The following C19orf73 variants were observed in gnomAD, a reference collection of about 807,000 sequenced individuals.
The protein encoded by C19orf73 is putative uncharacterized protein C19orf73.
For missense variants in C19orf73, 211 were observed against 177.6 expected (o/e 1.19, Z -1.07); for synonymous variants, 86 against 79.1 (o/e 1.09, Z -0.46).
At position 49,118,834 on chromosome 19, in the gene C19orf73, G is replaced by C; in HGVS notation, c.189C>G (p.Pro63=). Residue 63 remains proline (P), a synonymous_variant, in exon 1 of 1, where the codon CCC becomes CCG. Transcript: ENST00000408991. Reference sequence around the variant, plus strand: ...AGCGAACCATTAGCCTCGTCCGCCGGGGGAACCCTGCAGGCCGCACTACTG... The same window carrying C: ...AGCGAACCATTAGCCTCGTCCGCCGCGGGAACCCTGCAGGCCGCACTACTG... ...TQTVVRPAGF[P]RRTRLMVRSA... 1 of 1,613,772 alleles carries C rather than the reference G, an allele frequency of 6.2e-7. No homozygotes were observed. The highest frequency in any genetic ancestry group is 8.5e-7 in the Non-Finnish European group (1 of 1,179,824).
At position 49,118,685 on chromosome 19, in the gene C19orf73, G is replaced by T. The variant is rs763382916; in HGVS notation, c.338C>A (p.Pro113Gln). The T allele has an allele frequency of 6.2e-7, 1 of 1,613,744 alleles. No individual in the cohort carries two copies. The highest frequency in any genetic ancestry group is 1.3e-5 in the African/African-American group (1 of 74,938). The change falls in exon 1 of 1, where the codon CCA (proline) becomes CAA (glutamine). Residue 113 changes from proline (P) to glutamine (Q), a missense_variant. Transcript: ENST00000408991. ...RVGSVVLSSA[P>Q]ALRPRLGPCL... ...GGGACCCAGTCTGGGTCTGAGTGCTGGGGCAGAACTGAGGACAACGCTGCC... is the reference window on the plus strand; with the variant it reads ...GGGACCCAGTCTGGGTCTGAGTGCTTGGGCAGAACTGAGGACAACGCTGCC...
In C19orf73 at chr19:49,118,904, G is replaced by T. The variant is rs746452971; in HGVS notation, c.119C>A (p.Pro40His). The change falls in exon 1 of 1, where the codon CCT becomes CAT. Residue 40 changes from proline to histidine, a missense_variant. By Grantham distance (77) the Pro-to-His change is moderately conservative. Transcript: ENST00000408991. ...TGGGGGTGCCGCGTGCAGTTCCCGA[G>T]GCGGGCGCAGGGGTGCAGAATGAGG... ...RAPHSAPLRP[P>H]RELHAAPPPA... The T allele has an allele frequency of 2.5e-6, 4 of 1,613,150 alleles. No individual in the cohort carries two copies. Among genetic ancestry groups the T allele is most frequent in the Non-Finnish European group, 3.4e-6 (4 of 1,179,606 alleles).
rs780453424 is a variant in C19orf73, at chr19:49,118,973, G to C, written c.50C>G (p.Ala17Gly). 3 of 1,613,560 alleles carry C rather than the reference G, an allele frequency of 1.9e-6. No individual in the cohort carries two copies. In the African/African-American group the frequency reaches 4.0e-5, roughly 22 times the overall value. Residue 17 changes from alanine to glycine, a missense_variant, in exon 1 of 1, where the codon GCG becomes GGG. Transcript: ENST00000408991. ...GCTCACTCCACCTTCCAAACACAGC[G>C]CGTCTTTCCGGAAGCAGCCCCCGCC... is the stretch of plus-strand genomic sequence containing the variant. The part of the protein sequence containing the change: ...FQGGGCFRKD[A>G]LCLEGGVSAR...
At position 49,119,055 on chromosome 19, in the gene C19orf73, G is replaced by C; in HGVS notation, c.-33C>G. 1.2e-6 allele frequency: 2 copies of C among 1,612,094 alleles called. No homozygotes were observed. Among genetic ancestry groups the C allele is most frequent in the Non-Finnish European group, 1.7e-6 (2 of 1,179,250 alleles). On this transcript the variant is annotated 5_prime_UTR_variant, in exon 1 of 1. Transcript: ENST00000408991. ...CCCGCCCAGCCCTCGTGTCCCGTGC[G>C]GCGCGAGGGCTAGTGCGCGCCACTG...
chr19:49,118,513 G>A lies in C19orf73; in HGVS notation c.*120C>T, dbSNP rs1018183196. The A allele has an allele frequency of 2.6e-6, 4 of 1,564,020 alleles. No individual in the cohort carries two copies. In the African/African-American group the frequency reaches 5.4e-5, roughly 21 times the overall value. On this transcript the variant is annotated 3_prime_UTR_variant, in exon 1 of 1. Coordinates refer to ENST00000408991, the MANE Select transcript of C19orf73 (RefSeq NM_018111.3). ...CCCTGGGTTGGTGTCTTGAGATGTG[G>A]AGGGAATGCGAGGAGCTGAGGTCAG... is the stretch of plus-strand genomic sequence containing the variant.
rs1046361590 is a variant in C19orf73, at chr19:49,119,117, G to A, written c.-95C>T. 7 of 1,546,340 alleles carry A rather than the reference G, an allele frequency of 4.5e-6. No homozygotes were observed. The highest frequency in any genetic ancestry group is 1.4e-5 in the African/African-American group (1 of 73,174). The stretch of plus-strand genomic sequence containing the variant: ...GGTCGCGACTCGCGTTCCACGCCGC[G>A]CGCTACTCGCTCCAGGTGACATCAT... On this transcript the variant is annotated 5_prime_UTR_variant, in exon 1 of 1. Transcript: ENST00000408991.
chr19:49,118,611 A>G lies in C19orf73; in HGVS notation c.*22T>C. 3 of 1,595,928 alleles carry G rather than the reference A, an allele frequency of 1.9e-6. No homozygotes were observed. The highest frequency in any genetic ancestry group is 2.2e-5 in the East Asian group (1 of 44,638). On this transcript the variant is annotated 3_prime_UTR_variant, in exon 1 of 1. Transcript: ENST00000408991. ...GACCTCTCCCTAGGTCTGAAGGCGG[A>G]GACAGGCCGGCTTCCAAGAGACTAG...
chr19:49,118,653 G>C lies in C19orf73; in HGVS notation c.370C>G (p.Arg124Gly), dbSNP rs375620470. The change falls in exon 1 of 1, where the codon CGC (arginine) becomes GGC (glycine). Residue 124 changes from arginine to glycine, a missense_variant. Transcript: ENST00000408991. Reference protein sequence around the residue: ...ALRPRLGPCLRPPPSD With the variant: ...ALRPRLGPCLGPPPSD ...AGAGACTAGTCCGAGGGCGGAGGGC[G>C]GAGGCAGGGACCCAGTCTGGGTCTG... 5.6e-6 allele frequency: 9 copies of C among 1,610,262 alleles called. No homozygotes were observed. In the African/African-American group the frequency reaches 1.2e-4, roughly 22 times the overall value.
chr19:49,118,469 C>T lies in C19orf73; in HGVS notation c.*164G>A. 6.4e-7 allele frequency: 1 copy of T among 1,568,658 alleles called. No individual in the cohort carries two copies. Among genetic ancestry groups the T allele is most frequent in the Non-Finnish European group, 8.8e-7 (1 of 1,139,024 alleles). On this transcript the variant is annotated 3_prime_UTR_variant, in exon 1 of 1. Coordinates refer to ENST00000408991, the MANE Select transcript of C19orf73 (RefSeq NM_018111.3). ...AAGATATTTGACCCTCACTGAGTGT[C>T]TGTGTGTCTGTCCTGCATCCCTGGG...
In C19orf73 at chr19:49,118,743, GTCCCTTCCT is replaced by G; in HGVS notation, c.271_279del (p.Arg91_Gly93del). On this transcript the variant is annotated inframe_deletion, in exon 1 of 1. Transcript: ENST00000408991. ...AAGAGCGTCTGAGGGCGAAGGCCAA[GTCCCTTCCT>G]CCAGAGTCCTGAAACGCAGCCGGAG... 1 of 1,614,242 alleles carries G rather than the reference GTCCCTTCCT, an allele frequency of 6.2e-7. No homozygotes were observed. Among genetic ancestry groups the G allele is most frequent in the South Asian group, 1.1e-5 (1 of 91,086 alleles).
At position 49,118,460 on chromosome 19, in the gene C19orf73, A is replaced by C. The variant is rs2040874769; in HGVS notation, c.*173T>G. On this transcript the variant is annotated 3_prime_UTR_variant, in exon 1 of 1. Transcript: ENST00000408991. ...CTTTATTTAAAGATATTTGACCCTC[A>C]CTGAGTGTCTGTGTGTCTGTCCTGC... 13 of 1,576,182 alleles carry C rather than the reference A, an allele frequency of 8.2e-6. No homozygotes were observed. The highest frequency in any genetic ancestry group is 1.0e-5 in the Non-Finnish European group (12 of 1,145,968).
chr19:49,119,115 G>A lies in C19orf73; in HGVS notation c.-93C>T. The A allele has an allele frequency of 6.4e-7, 1 of 1,553,396 alleles. No individual in the cohort carries two copies. Among genetic ancestry groups the A allele is most frequent in the South Asian group, 1.2e-5 (1 of 85,714 alleles). On this transcript the variant is annotated 5_prime_UTR_variant, in exon 1 of 1. Coordinates refer to ENST00000408991, the MANE Select transcript of C19orf73 (RefSeq NM_018111.3). ...GGGGTCGCGACTCGCGTTCCACGCC[G>A]CGCGCTACTCGCTCCAGGTGACATC...
rs781242989 is a variant in C19orf73, at chr19:49,118,806, C to A, written c.217G>T (p.Ala73Ser). ...GTGGGCGGCCTCTGTGTGGGCGGGG[C>A]GGAGCGAACCATTAGCCTCGTCCGC... ...PRRTRLMVRS[A>S]PPTQRPPTGS... The change falls in exon 1 of 1, where the codon GCC becomes TCC. Residue 73 changes from alanine to serine, a missense_variant. By Grantham distance (99) the Ala-to-Ser change is moderately conservative (BLOSUM62 1). Coordinates refer to ENST00000408991, the MANE Select transcript of C19orf73 (RefSeq NM_018111.3). The A allele has an allele frequency of 6.2e-7, 1 of 1,614,138 alleles. No individual in the cohort carries two copies. Among genetic ancestry groups the A allele is most frequent in the Non-Finnish European group, 8.5e-7 (1 of 1,179,998 alleles).
chr19:49,118,469 CTGTG>C lies in C19orf73; in HGVS notation c.*160_*163del, dbSNP rs2040875068. On this transcript the variant is annotated 3_prime_UTR_variant, in exon 1 of 1. Coordinates refer to ENST00000408991, the MANE Select transcript of C19orf73 (RefSeq NM_018111.3). ...AAGATATTTGACCCTCACTGAGTGT[CTGTG>C]TGTCTGTCCTGCATCCCTGGGTTGG... 1.3e-6 allele frequency: 2 copies of C among 1,568,536 alleles called. No homozygotes were observed. Among genetic ancestry groups the C allele is most frequent in the Admixed American group, 1.7e-5 (1 of 59,878 alleles).
chr19:49,119,072 G>A lies in C19orf73; in HGVS notation c.-50C>T. ...TCCCGTGCGGCGCGAGGGCTAGTGC[G>A]CGCCACTGCCGGGAGCCGGGGTCGC... On this transcript the variant is annotated 5_prime_UTR_variant, in exon 1 of 1. Transcript: ENST00000408991. The A allele has an allele frequency of 6.2e-7, 1 of 1,608,986 alleles. No individual in the cohort carries two copies. Among genetic ancestry groups the A allele is most frequent in the Non-Finnish European group, 8.5e-7 (1 of 1,177,574 alleles).
In C19orf73 at chr19:49,119,134, T is replaced by C. The variant is rs2040890003; in HGVS notation, c.-112A>G. ...CACGCCGCGCGCTACTCGCTCCAGG[T>C]GACATCATCCCCCTGCCGGGCTCCG... On this transcript the variant is annotated 5_prime_UTR_variant, in exon 1 of 1. Coordinates refer to ENST00000408991, the MANE Select transcript of C19orf73 (RefSeq NM_018111.3). 6.8e-7 allele frequency: 1 copy of C among 1,462,970 alleles called. No homozygotes were observed. The highest frequency in any genetic ancestry group is 1.3e-5 in the South Asian group (1 of 78,134). 90.6% of individuals were successfully genotyped at this position (1,462,970 alleles called of 1,614,324 possible).
At position 49,118,904 on chromosome 19, in the gene C19orf73, G is replaced by A; in HGVS notation, c.119C>T (p.Pro40Leu). ...TGGGGGTGCCGCGTGCAGTTCCCGA[G>A]GCGGGCGCAGGGGTGCAGAATGAGG... ...RAPHSAPLRP[P>L]RELHAAPPPA... The change falls in exon 1 of 1, where the codon CCT becomes CTT. Residue 40 changes from proline to leucine, a missense_variant. By Grantham distance (98) the Pro-to-Leu change is moderately conservative. Transcript: ENST00000408991. The A allele has an allele frequency of 1.2e-6, 2 of 1,613,268 alleles. No individual in the cohort carries two copies. The highest frequency in any genetic ancestry group is 1.7e-6 in the Non-Finnish European group (2 of 1,179,598).
At position 49,118,613 on chromosome 19, in the gene C19orf73, A is replaced by G. The variant is rs11540606; in HGVS notation, c.*20T>C. 1.3e-6 allele frequency: 2 copies of G among 1,596,502 alleles called. No homozygotes were observed. The stretch of plus-strand genomic sequence containing the variant: ...CCTCTCCCTAGGTCTGAAGGCGGAG[A>G]CAGGCCGGCTTCCAAGAGACTAGTC... On this transcript the variant is annotated 3_prime_UTR_variant, in exon 1 of 1. Coordinates refer to ENST00000408991, the MANE Select transcript of C19orf73 (RefSeq NM_018111.3).
Position 49,118,642 on chromosome 19 carries a change from G to C in C19orf73, c.381C>G (p.Pro127=). The change falls in exon 1 of 1, where the codon CCC becomes CCG. Residue 127 remains proline, a synonymous_variant. Transcript: ENST00000408991. Reference sequence around the variant, plus strand: ...GCCGGCTTCCAAGAGACTAGTCCGAGGGCGGAGGGCGGAGGCAGGGACCCA... The same window carrying C: ...GCCGGCTTCCAAGAGACTAGTCCGACGGCGGAGGGCGGAGGCAGGGACCCA... The part of the protein sequence containing the change: ...PRLGPCLRPP[P]SD 1 of 1,608,066 alleles carries C rather than the reference G, an allele frequency of 6.2e-7. No homozygotes were observed. Among genetic ancestry groups the C allele is most frequent in the South Asian group, 1.1e-5 (1 of 90,552 alleles).
Sources: allele counts gnomAD v4.1 joint callset, GRCh38; gene constraint gnomAD v4.1.1; transcripts MANE v1.5; gene names NCBI Gene and HGNC (gene_info 2026-07-23, HGNC 2026-07-21).